The following TRIM59 variants were observed in gnomAD, a reference collection of about 807,000 sequenced individuals.
TRIM59 encodes tripartite motif-containing protein 59.
TRIM59 carries 14 observed loss-of-function variants against 32.2 expected under a neutral mutation model. The observed-to-expected ratio is 0.43, with a 90% CI of 0.29 to 0.68. TRIM59 has a LOEUF of 0.68. Among genes scored for constraint, TRIM59 ranks in the 30% least tolerant of loss-of-function variants. TRIM59 has a pLI of 0.15. For missense variants in TRIM59, 471 were observed against 463.3 expected (o/e 1.02, Z -0.15); for synonymous variants, 163 against 155.1 (o/e 1.05, Z -0.38).
chr3:160,442,276 A>G (rs1049923703), intron 2 of TRIM59, among the ~76,000 whole-genome samples: 1 of 152,194 alleles, frequency 6.6e-6, no homozygotes, highest in Admixed American at 6.5e-5. Flanking sequence ...CAAAAGCTCA[A>G]CTTTCTTTAG....
intron 2 of TRIM59, among the ~76,000 whole-genome samples, chr3:160,446,519 GA>G (rs902001687): frequency 2.6e-5 from 4 of 151,498 alleles, no homozygotes; most frequent in Admixed American, 6.6e-5. Context: ...TAGTTCAATG[GA>G]AAAAAAATTT....
In TRIM59 at chr3:160,438,030, A is replaced by G. The variant is rs375827334; in HGVS notation, c.1154T>C (p.Ile385Thr). 5.6e-5 allele frequency: 89 copies of G among 1,584,444 alleles called. No individual in the cohort carries two copies. The highest frequency in any genetic ancestry group is 7.2e-5 in the Non-Finnish European group (84 of 1,171,198). ...CAACAAATAGAAAATGTGACACAGTATATTCTTTACCTTATGCAGACTGTT... is the reference window on the plus strand; with the variant it reads ...CAACAAATAGAAAATGTGACACAGTGTATTCTTTACCTTATGCAGACTGTT... The part of the protein sequence containing the change: ...LSNSLHKVKN[I>T]LCHIFYLLKE... Residue 385 changes from isoleucine (I) to threonine (T), a missense_variant, in exon 3 of 3, where the codon ATA becomes ACA. By Grantham distance (89) the Ile-to-Thr change is moderately conservative. Transcript: ENST00000309784.
Position 160,435,708 on chromosome 3 carries a change from C to T in TRIM59, c.*2264G>A, listed in dbSNP as rs15470. 1 of 251,630 alleles carries T rather than the reference C, an allele frequency of 4.0e-6. No homozygotes were observed. Among genetic ancestry groups the T allele is most frequent in the Non-Finnish European group, 8.1e-6 (1 of 123,736 alleles). 15.6% of individuals were successfully genotyped at this position (251,630 alleles called of 1,614,324 possible). A position where few individuals can be genotyped will look rare whatever the true frequency, so the allele number is the denominator to read the frequency against. ...AGTTCTCCTAAAAACTGGCAAGATACAAAATGTCAAATCTAAAATGATATA... is the reference window on the plus strand; with the variant it reads ...AGTTCTCCTAAAAACTGGCAAGATATAAAATGTCAAATCTAAAATGATATA... On this transcript the variant is annotated 3_prime_UTR_variant, in exon 3 of 3. Coordinates refer to ENST00000309784, the MANE Select transcript of TRIM59 (RefSeq NM_173084.3).
At position 160,435,896 on chromosome 3, in the gene TRIM59, C is replaced by CA. The variant is rs1198167560; in HGVS notation, c.*2075dup. 3.0e-5 allele frequency: 38 copies of CA among 1,247,292 alleles called. No individual in the cohort carries two copies. The highest frequency in any genetic ancestry group is 4.0e-5 in the Non-Finnish European group (38 of 951,220). The allele number at this position is 1,247,292 out of a possible 1,614,324, so 77.3% of individuals were successfully genotyped here. A position where few individuals can be genotyped will look rare whatever the true frequency, so the allele number is the denominator to read the frequency against. ...AGTCACTTGTCAGTTCCCTCATCTA[C>CA]AAAAAGGGGGTTAAAAATATTCACA... On this transcript the variant is annotated 3_prime_UTR_variant, in exon 3 of 3. Coordinates refer to ENST00000309784, the MANE Select transcript of TRIM59 (RefSeq NM_173084.3).
In TRIM59 at chr3:160,435,793, C is replaced by G. The variant is rs530190765; in HGVS notation, c.*2179G>C. ...AACCCTTACCAACATTAATCTTGGC[C>G]TACTTTAAAGTTGAGTGATAGCATG... is the stretch of plus-strand genomic sequence containing the variant. On this transcript the variant is annotated 3_prime_UTR_variant, in exon 3 of 3. Coordinates refer to ENST00000309784, the MANE Select transcript of TRIM59 (RefSeq NM_173084.3). 2.1e-6 allele frequency: 1 copy of G among 469,376 alleles called. No homozygotes were observed. The highest frequency in any genetic ancestry group is 2.0e-5 in the African/African-American group (1 of 49,778). The allele number at this position is 469,376 out of a possible 1,614,324, so 29.1% of individuals were successfully genotyped here.
intron 1 of TRIM59, 155 bp downstream of exon 1, chr3:160,449,562 C>T: frequency 2.3e-6 from 3 of 1,286,250 alleles, no homozygotes; most frequent in Non-Finnish European, 3.0e-6. Flanking sequence ...CAGTATGGGA[C>T]AAGAGGGAAT....
At position 160,439,112 on chromosome 3, in the gene TRIM59, T is replaced by C; in HGVS notation, c.72A>G (p.Pro24=). The change falls in exon 3 of 3, where the codon CCA becomes CCG. Residue 24 remains proline (P), a synonymous_variant. Coordinates refer to ENST00000309784, the MANE Select transcript of TRIM59 (RefSeq NM_173084.3). ...YSIFEDPRVL[P]CSHTFCRNCL... ...AATTTCTACAAAATGTATGAGAGCATGGCAGTACACGAGGATCTTCAAAAA... is the reference window on the plus strand; with the variant it reads ...AATTTCTACAAAATGTATGAGAGCACGGCAGTACACGAGGATCTTCAAAAA... The C allele has an allele frequency of 2.0e-6, 3 of 1,530,982 alleles. No homozygotes were observed. Among genetic ancestry groups the C allele is most frequent in the Admixed American group, 4.3e-5 (2 of 47,008 alleles). 94.8% of individuals were successfully genotyped at this position (1,530,982 alleles called of 1,614,324 possible). A position where few individuals can be genotyped will look rare whatever the true frequency, so the allele number is the denominator to read the frequency against.
chr3:160,448,624 G>GT, intron 2 of TRIM59, 102 bp downstream of exon 2: 11 of 672,508 alleles, frequency 1.6e-5, no homozygotes, highest in South Asian at 1.6e-4. Context: ...CCAACACAAT[G>GT]TTTTTTCAAA....
chr3:160,436,045 ATTT>A lies in TRIM59; in HGVS notation c.*1924_*1926del. On this transcript the variant is annotated 3_prime_UTR_variant, in exon 3 of 3. Coordinates refer to ENST00000309784, the MANE Select transcript of TRIM59 (RefSeq NM_173084.3). ...TTTTAAGTAATCAGTGCAACTTAGT[ATTT>A]TTATCTCTAGCTGAGTATGTGTCTC... 2 of 1,180,632 alleles carry A rather than the reference ATTT, an allele frequency of 1.7e-6. No individual in the cohort carries two copies. Among genetic ancestry groups the A allele is most frequent in the Non-Finnish European group, 2.1e-6 (2 of 938,240 alleles). The allele number at this position is 1,180,632 out of a possible 1,614,324, so 73.1% of individuals were successfully genotyped here.
At position 160,437,345 on chromosome 3, in the gene TRIM59, C is replaced by G; in HGVS notation, c.*627G>C. On this transcript the variant is annotated 3_prime_UTR_variant, in exon 3 of 3. Coordinates refer to ENST00000309784, the MANE Select transcript of TRIM59 (RefSeq NM_173084.3). ...CTCCAGCCTGGGCAACAAGGTGAGA[C>G]CCAGTCTCAAAAATTTCTTTTAAAA... 1.0e-6 allele frequency: 1 copy of G among 983,194 alleles called. No individual in the cohort carries two copies. Among genetic ancestry groups the G allele is most frequent in the African/African-American group, 1.7e-5 (1 of 57,180 alleles). 60.9% of individuals were successfully genotyped at this position (983,194 alleles called of 1,614,324 possible). A position where few individuals can be genotyped will look rare whatever the true frequency, so the allele number is the denominator to read the frequency against.
rs1439803371 is a variant in TRIM59, at chr3:160,438,213, A to C, written c.971T>G (p.Val324Gly). The C allele has an allele frequency of 1.9e-6, 3 of 1,612,880 alleles. No individual in the cohort carries two copies. The African/African-American group carries it at 4.0e-5, about 22-fold the overall frequency. ...CSWPGKDEKEVEFLKILNIVV... is the reference protein window; with the variant it reads ...CSWPGKDEKEGEFLKILNIVV... ...AATGTTTAAAATTTTTAAAAATTCA[A>C]CTTCCTTTTCATCCTTACCAGGCCA... The change falls in exon 3 of 3, where the codon GTT (valine) becomes GGT (glycine). Residue 324 changes from valine (V) to glycine (G), a missense_variant. Val to Gly is a moderately radical substitution (Grantham distance 109). Coordinates refer to ENST00000309784, the MANE Select transcript of TRIM59 (RefSeq NM_173084.3).
intron 2 of TRIM59, among the ~76,000 whole-genome samples, chr3:160,446,340 T>C (rs1719528082): frequency 1.3e-5 from 2 of 152,060 alleles, no homozygotes. Context: ...AAACTAAAAA[T>C]GGACTAATTT....
At chr3:160,449,421 C>G (rs1719701451) in intron 1 of TRIM59, 3 of 1,094,230 alleles carry the variant, frequency 2.7e-6, no homozygotes, top group Non-Finnish European at 2.3e-6. Flanking sequence ...GGCACCCGCC[C>G]GTCCCCAACC....
chr3:160,445,993 G>T (rs1393668885), intron 2 of TRIM59, among the ~76,000 whole-genome samples: 1 of 151,986 alleles, frequency 6.6e-6, no homozygotes, highest in Non-Finnish European at 1.5e-5. Context: ...ATGCTTTGTA[G>T]AGATAGGGTC....
chr3:160,437,004 G>GA lies in TRIM59; in HGVS notation c.*967dup, dbSNP rs537311590. 1,717 of 943,808 alleles carry GA rather than the reference G, an allele frequency of 1.8e-3. 1 individual carries two copies. Among genetic ancestry groups the GA allele is most frequent in the Middle Eastern group, 2.2e-3 (4 of 1,842 alleles). 58.5% of individuals were successfully genotyped at this position (943,808 alleles called of 1,614,324 possible). On this transcript the variant is annotated 3_prime_UTR_variant, in exon 3 of 3. Transcript: ENST00000309784. The stretch of plus-strand genomic sequence containing the variant: ...CAAGAACTGATTTGACTGACGAGCA[G>GA]AAAAAAAAACAATCTTAAATTTGCA...
At chr3:160,442,674 G>GAAGTCAAAA (rs1267379878) in intron 2 of TRIM59, among the ~76,000 whole-genome samples, 1 of 152,140 alleles carries the variant, frequency 6.6e-6, no homozygotes, top group Admixed American at 6.5e-5. Flanking sequence ...GAAGTTCACA[G>GAAGTCAAAA]AAGTCAAAAT....
At position 160,439,813 on chromosome 3, in the gene TRIM59, A is replaced by G. The variant is rs1487166174; in HGVS notation, c.-3-627T>C. Among the ~76,000 whole-genome samples, 3 of 152,334 alleles carry G rather than the reference A, an allele frequency of 2.0e-5. No homozygotes were observed. The East Asian group carries it at 5.8e-4, about 29-fold the overall frequency. On this transcript the variant is annotated intron_variant, in intron 2 of 2. Transcript: ENST00000309784. ...AGGTATGTCTTTATCAGCAGCATGA[A>G]AACAGACTAATACACTACATAATAA...
rs568230261 is a variant in TRIM59 at position 160,436,545 on chromosome 3, T to C, written c.*1427A>G. ...CGGGCGTGGCGGCTCACGCCTATAA[T>C]CCCAGCATTTTGGGAGGCTGAGGCG... is the stretch of plus-strand genomic sequence containing the variant. On this transcript the variant is annotated 3_prime_UTR_variant, in exon 3 of 3. Transcript: ENST00000309784. The C allele has an allele frequency of 3.0e-6, 3 of 985,000 alleles. No individual in the cohort carries two copies. The highest frequency in any genetic ancestry group is 3.5e-5 in the African/African-American group (2 of 57,348). The allele number at this position is 985,000 out of a possible 1,614,324, so 61.0% of individuals were successfully genotyped here.
At position 160,435,640 on chromosome 3, in the gene TRIM59, C is replaced by G. The variant is rs1560021514; in HGVS notation, c.*2332G>C. Reference sequence around the variant, plus strand: ...AAAACAGCAGCATAAGAACCAGTTACTCATATACTCAACTATATTCATGCA... The same window carrying G: ...AAAACAGCAGCATAAGAACCAGTTAGTCATATACTCAACTATATTCATGCA... On this transcript the variant is annotated 3_prime_UTR_variant, in exon 3 of 3. Coordinates refer to ENST00000309784, the MANE Select transcript of TRIM59 (RefSeq NM_173084.3). The G allele has an allele frequency of 5.5e-6, 1 of 180,714 alleles. No individual in the cohort carries two copies. The highest frequency in any genetic ancestry group is 1.2e-5 in the Non-Finnish European group (1 of 84,326). The allele number at this position is 180,714 out of a possible 1,614,324, so 11.2% of individuals were successfully genotyped here.
Sources: gnomAD v4.1 joint callset for allele counts (sites outside exome capture counted in the v4.1 genomes callset) on GRCh38, gnomAD v4.1.1 for gene constraint, MANE v1.5 for transcripts, NCBI Gene and HGNC (gene_info 2026-07-23, HGNC 2026-07-21) for gene names.